Variants in COQ8B observed in about 807,000 individuals in gnomAD.
COQ8B encodes coenzyme Q8B, also known as atypical kinase COQ8B, mitochondrial.
Under a neutral mutation model 62.0 loss-of-function variants are expected in COQ8B, and 44 were observed. The observed-to-expected ratio is 0.71, with a 90% confidence interval of 0.56 to 0.91. The LOEUF (loss-of-function observed/expected upper bound fraction) is 0.91. COQ8B is among the 40% of genes least tolerant of loss of function. COQ8B has a pLI of 0.00. For synonymous variants in COQ8B, 252 were observed against 289.9 expected (o/e 0.87, Z 1.33); for missense variants, 649 against 731.6 (o/e 0.89, Z 1.30).
rs773453874 is a variant in COQ8B at position 40,710,073 on chromosome 19, C to A, written c.353G>T (p.Gly118Val). 1 of 1,613,924 alleles carries A rather than the reference C, an allele frequency of 6.2e-7. No homozygotes were observed. The change falls in exon 5 of 15, where the codon GGT becomes GTT. Residue 118 changes from glycine to valine, a missense_variant. Gly to Val is a moderately radical substitution (Grantham distance 109). Coordinates refer to ENST00000324464, the MANE Select transcript of COQ8B (RefSeq NM_024876.4). Reference sequence around the variant, plus strand: ...GGCTCACTCACCTGACTGCAGACGACCTCCTGGCATGGACTTCTTAGCCAT... The same window carrying A: ...GGCTCACTCACCTGACTGCAGACGAACTCCTGGCATGGACTTCTTAGCCAT... ...AEMAKKSMPG[G>V]RLQSEGGSGL...
chr19:40,705,360 G>T lies in COQ8B; in HGVS notation c.455C>A (p.Ala152Asp). 1 of 1,598,574 alleles carries T rather than the reference G, an allele frequency of 6.3e-7. No individual in the cohort carries two copies. Among genetic ancestry groups the T allele is most frequent in the South Asian group, 1.1e-5 (1 of 90,542 alleles). ...GAGCATCTGGCCAACCTTGAGGGCG[G>T]CCCCTCGAACTGTACATAAGGTCTG... ...IVQTLCTVRG[A>D]ALKVGQMLSI... is the part of the protein sequence containing the mutation. Residue 152 changes from alanine (A) to aspartate (D), a missense_variant, in exon 6 of 15, where the codon GCC (alanine) becomes GAC (aspartate). Ala to Asp is a moderately radical substitution (Grantham distance 126). Coordinates refer to ENST00000324464, the MANE Select transcript of COQ8B (RefSeq NM_024876.4).
chr19:40,697,876 A>AGAGAGAGAGAGAGAGAGAGAGT (rs1316282364), intron 12 of COQ8B, among the ~76,000 whole-genome samples: 32 of 71,200 alleles, frequency 4.5e-4, no homozygotes, highest in South Asian at 1.0e-3. Flanking sequence ...AGAGAGAGAG[A>AGAGAGAGAGAGAGAGAGAGAGT]GTTTCTACTG....
intron 4 of COQ8B, among the ~76,000 whole-genome samples, chr19:40,711,256 G>C (rs914085551): frequency 6.6e-6 from 1 of 152,056 alleles, no homozygotes; most frequent in Non-Finnish European, 1.5e-5. Context: ...TTTAGAGACA[G>C]GGTCTCACTC....
At chr19:40,697,207 G>A (rs977058554) in intron 12 of COQ8B, among the ~76,000 whole-genome samples, 29 of 151,218 alleles carry the variant, frequency 1.9e-4, no homozygotes, top group African/African-American at 6.6e-4. Context: ...AAACTCCCAC[G>A]CTCAAGTGAT....
At chr19:40,697,822 T>TATATA (rs2082025880) in intron 12 of COQ8B, among the ~76,000 whole-genome samples, 2 of 79,124 alleles carry the variant, frequency 2.5e-5, no homozygotes, top group African/African-American at 6.0e-5. Context: ...ATAAATAAAA[T>TATATA]TATATATATA....
At chr19:40,707,287 A>G (rs1178400216) in intron 5 of COQ8B, among the ~76,000 whole-genome samples, 3 of 151,744 alleles carry the variant, frequency 2.0e-5, no homozygotes, top group African/African-American at 7.3e-5. Context: ...AAAAAAAAAA[A>G]AGAAACCCTA....
intron 4 of COQ8B, among the ~76,000 whole-genome samples, chr19:40,713,463 G>A (rs1330668551): frequency 2.0e-5 from 3 of 151,852 alleles, no homozygotes; most frequent in African/African-American, 4.8e-5. Context: ...CAGGAGAATC[G>A]GCTTGAACCC....
In COQ8B at chr19:40,711,696, G is replaced by A. The variant is rs184231513; in HGVS notation, c.290-1560C>T. On this transcript the variant is annotated intron_variant, in intron 4 of 14. Coordinates refer to ENST00000324464, the MANE Select transcript of COQ8B (RefSeq NM_024876.4). Reference sequence around the variant, plus strand: ...CGTCTCGGGTCTCTCTCCTTCTTTTGTTGTCACCATCTCTGTCAATTACCA... The same window carrying A: ...CGTCTCGGGTCTCTCTCCTTCTTTTATTGTCACCATCTCTGTCAATTACCA... 2.0e-5 allele frequency among the ~76,000 whole-genome samples: 3 copies of A among 151,986 alleles called. No individual in the cohort carries two copies. In the East Asian group the frequency reaches 5.8e-4, roughly 29 times the overall value.
At chr19:40,705,658 C>T (rs954733331) in intron 5 of COQ8B, among the ~76,000 whole-genome samples, 2 of 152,090 alleles carry the variant, frequency 1.3e-5, no homozygotes, top group African/African-American at 4.8e-5. Flanking sequence ...AAACGAAATA[C>T]GGAGGCCAGG....
At chr19:40,700,734 G>C in intron 10 of COQ8B, 1 of 440,456 alleles carries the variant, frequency 2.3e-6, no homozygotes, top group Non-Finnish European at 4.1e-6. Flanking sequence ...TATGACTTCT[G>C]GTTGCCCCAG....
chr19:40,714,913 C>T, intron 1 of COQ8B: 2 of 1,220,332 alleles, frequency 1.6e-6, no homozygotes, highest in African/African-American at 1.6e-5. Flanking sequence ...CAGGGGCTAC[C>T]TCTCCACTTC....
intron 12 of COQ8B, 76 bp from the exon 13 acceptor site, chr19:40,696,130 T>A: frequency 6.6e-7 from 1 of 1,506,538 alleles, no homozygotes; most frequent in East Asian, 2.3e-5. Flanking sequence ...AGCCAGGATC[T>A]GTCTCCCTCC....
rs1011449524 is a variant in COQ8B at position 40,714,542 on chromosome 19, G to T, written c.91C>A (p.Pro31Thr). 15 of 1,613,498 alleles carry T rather than the reference G, an allele frequency of 9.3e-6. No homozygotes were observed. The highest frequency in any genetic ancestry group is 2.7e-5 in the African/African-American group (2 of 74,858). The change falls in exon 2 of 15, where the codon CCC (proline) becomes ACC (threonine). Residue 31 changes from proline to threonine, a missense_variant. Transcript: ENST00000324464. ...GWPCGALGPGPHRWGPCGGSW... is the reference protein window; with the variant it reads ...GWPCGALGPGTHRWGPCGGSW... ...CCCTAGCCTCTTACCCAGCGGTGGGGCCCAGGCCCCAGGGCCCCACAAGGC... is the reference window on the plus strand; with the variant it reads ...CCCTAGCCTCTTACCCAGCGGTGGGTCCCAGGCCCCAGGGCCCCACAAGGC...
Position 40,705,334 on chromosome 19 carries a change from T to C in COQ8B, c.481A>G (p.Ser161Gly), listed in dbSNP as rs913944281. Residue 161 changes from serine (S) to glycine (G), a missense_variant, in exon 6 of 15, where the codon AGC becomes GGC. Coordinates refer to ENST00000324464, the MANE Select transcript of COQ8B (RefSeq NM_024876.4). ...GAALKVGQML[S>G]IQDNSFISPQ... ...GAGGGTCATGCTGTACCCTGGATGC[T>C]GAGCATCTGGCCAACCTTGAGGGCG... 6.3e-7 allele frequency: 1 copy of C among 1,593,026 alleles called. No homozygotes were observed. Among genetic ancestry groups the C allele is most frequent in the Non-Finnish European group, 8.6e-7 (1 of 1,164,206 alleles).
chr19:40,700,034 A>C, intron 12 of COQ8B, 33 bp downstream of exon 12: 2 of 1,584,666 alleles, frequency 1.3e-6, no homozygotes, highest in Non-Finnish European at 1.7e-6. Flanking sequence ...TACAACAGCA[A>C]ATGTACCCAG....
Position 40,700,351 on chromosome 19 carries a change from G to T in COQ8B, c.994C>A (p.Leu332Met). The change falls in exon 11 of 15, where the codon CTG becomes ATG. Residue 332 changes from leucine (L) to methionine (M), a missense_variant. Leu to Met is a conservative substitution (Grantham distance 15). Coordinates refer to ENST00000324464, the MANE Select transcript of COQ8B (RefSeq NM_024876.4). ...TGGCTTAGGCCCTGGCACTGGTCCA[G>T]GGGGACCCCTCCAGCCAGCTCCATG... ...LGMELAGGVP[L>M]DQCQGLSQDL... is the part of the protein sequence containing the mutation. 3 of 1,614,158 alleles carry T rather than the reference G, an allele frequency of 1.9e-6. No individual in the cohort carries two copies. The highest frequency in any genetic ancestry group is 2.5e-6 in the Non-Finnish European group (3 of 1,180,024).
At chr19:40,693,421 T>C (rs1380629342) in intron 13 of COQ8B, among the ~76,000 whole-genome samples, 2 of 152,224 alleles carry the variant, frequency 1.3e-5, no homozygotes, top group Non-Finnish European at 2.9e-5. Flanking sequence ...TCTCCCACAC[T>C]GGACTTTGAG....
At chr19:40,694,532 T>C (rs1368423083) in intron 13 of COQ8B, among the ~76,000 whole-genome samples, 1 of 152,144 alleles carries the variant, frequency 6.6e-6, no homozygotes, top group African/African-American at 2.4e-5. Flanking sequence ...TCTAGGGCCT[T>C]ACTACTACCA....
intron 12 of COQ8B, among the ~76,000 whole-genome samples, chr19:40,698,219 G>A (rs1168017226): frequency 4.8e-5 from 7 of 145,096 alleles, no homozygotes; most frequent in African/African-American, 1.8e-4. Flanking sequence ...TTCATCTCGG[G>A]GAAAAAAAAG....
Sources: gnomAD v4.1 joint callset for allele counts (sites outside exome capture counted in the v4.1 genomes callset) on GRCh38, gnomAD v4.1.1 for gene constraint, MANE v1.5 for transcripts, NCBI Gene and HGNC (gene_info 2026-07-23, HGNC 2026-07-21) for gene names.